TBC1D32: variants seen among roughly 807,000 people sequenced by gnomAD.
TBC1D32 encodes the protein TBC1 domain family member 32, also known as protein broad-minded.
Under a neutral mutation model 170.3 loss-of-function variants are expected in TBC1D32, and 151 were observed. The ratio of observed to expected loss-of-function variants is 0.89; its 90% CI spans 0.78 to 1.01. The LOEUF (loss-of-function observed/expected upper bound fraction) is 1.01. Ranked by LOEUF, TBC1D32 falls within the 50% of genes least tolerant of loss-of-function variation. The probability of loss-of-function intolerance (pLI) is 0.00; values close to 1 mark genes in which losing one functional copy is unlikely to be tolerated. For missense variants in TBC1D32, 1,464 were observed against 1,457.1 expected (o/e 1.00, Z -0.08); for synonymous variants, 498 against 488.0 (o/e 1.02, Z -0.27).
chr6:121,094,652 T>C (rs144283821), intron 30 of TBC1D32, among the ~76,000 whole-genome samples: 1 of 152,248 alleles, frequency 6.6e-6, no homozygotes, highest in East Asian at 1.9e-4. Context: ...CAAATTTTGC[T>C]TGGTTGATTT....
At chr6:121,233,999 G>A (rs1203965424) in intron 20 of TBC1D32, among the ~76,000 whole-genome samples, 1 of 152,080 alleles carries the variant, frequency 6.6e-6, no homozygotes, top group Non-Finnish European at 1.5e-5. Context: ...AAAAAATTCT[G>A]GCTGATACTG....
intron 31 of TBC1D32, among the ~76,000 whole-genome samples, chr6:121,084,457 C>T: frequency 6.6e-6 from 1 of 152,054 alleles, no homozygotes; most frequent in Non-Finnish European, 1.5e-5. Flanking sequence ...TTCTTGATCA[C>T]ACTACAGACA....
intron 24 of TBC1D32, among the ~76,000 whole-genome samples, chr6:121,153,840 C>T (rs902164239): frequency 5.1e-4 from 78 of 152,050 alleles, no homozygotes; most frequent in Middle Eastern, 3.4e-3. Context: ...ATGCCCCTCC[C>T]ACCACCAAGC....
At chr6:121,156,397 ATCT>A (rs1162716719) in intron 24 of TBC1D32, among the ~76,000 whole-genome samples, 1 of 147,172 alleles carries the variant, frequency 6.8e-6, no homozygotes. Context: ...GCTTATTTGG[ATCT>A]TCTTTTTTTT....
chr6:121,153,520 T>C (rs1305452434), intron 24 of TBC1D32, among the ~76,000 whole-genome samples: 2 of 152,264 alleles, frequency 1.3e-5, no homozygotes, highest in Non-Finnish European at 2.9e-5. Context: ...GGTCAAGCAC[T>C]GTGCTTGGAG....
chr6:121,152,970 T>C (rs1162709748), intron 24 of TBC1D32, among the ~76,000 whole-genome samples: 1 of 152,164 alleles, frequency 6.6e-6, no homozygotes, highest in Non-Finnish European at 1.5e-5. Context: ...TGGAGGAGTT[T>C]GTTATTACCC....
At chr6:121,259,538 G>A (rs1236332543) in intron 15 of TBC1D32, among the ~76,000 whole-genome samples, 1 of 152,068 alleles carries the variant, frequency 6.6e-6, no homozygotes, top group East Asian at 1.9e-4. Context: ...TACATTCACT[G>A]CTCCCTTCAT....
chr6:121,157,841 T>A (rs1785104519), intron 24 of TBC1D32, among the ~76,000 whole-genome samples: 1 of 152,122 alleles, frequency 6.6e-6, no homozygotes, highest in Non-Finnish European at 1.5e-5. Context: ...TCCAATCTCT[T>A]CTGGCTTTAA....
At chr6:121,129,881 T>C (rs1781241444) in intron 25 of TBC1D32, 1 of 448,912 alleles carries the variant, frequency 2.2e-6, no homozygotes, top group Non-Finnish European at 4.5e-6. Flanking sequence ...CATTTTATAC[T>C]CTCGATGGTA....
chr6:121,318,522 G>T (rs1401530114), intron 2 of TBC1D32, among the ~76,000 whole-genome samples: 1 of 151,740 alleles, frequency 6.6e-6, no homozygotes, highest in Non-Finnish European at 1.5e-5. Context: ...AAACAAAAAA[G>T]GCATAAAGAT....
intron 21 of TBC1D32, among the ~76,000 whole-genome samples, chr6:121,207,514 A>C (rs1446481353): frequency 6.6e-6 from 1 of 152,172 alleles, no homozygotes; most frequent in African/African-American, 2.4e-5. Flanking sequence ...TTTTTCAAAG[A>C]AGAAGATTAC....
chr6:121,146,924 T>C (rs1346427978), intron 24 of TBC1D32, among the ~76,000 whole-genome samples: 1 of 152,130 alleles, frequency 6.6e-6, no homozygotes, highest in African/African-American at 2.4e-5. Context: ...ACCAGGGTGA[T>C]GAGCACAGCA....
intron 15 of TBC1D32, among the ~76,000 whole-genome samples, chr6:121,266,668 C>T (rs1177180071): frequency 1.3e-5 from 2 of 151,986 alleles, no homozygotes; most frequent in African/African-American, 2.4e-5. Context: ...AACCCAAACG[C>T]CTATTAATTA....
At chr6:121,273,424 G>T (rs1801762330) in intron 15 of TBC1D32, among the ~76,000 whole-genome samples, 1 of 151,536 alleles carries the variant, frequency 6.6e-6, no homozygotes, top group Non-Finnish European at 1.5e-5. Flanking sequence ...CTCACTCATA[G>T]GTGAGAACTG....
intron 30 of TBC1D32, among the ~76,000 whole-genome samples, chr6:121,100,678 T>C (rs1247972025): frequency 1.3e-5 from 2 of 151,876 alleles, no homozygotes; most frequent in African/African-American, 4.8e-5. Flanking sequence ...TTAAAAGAAC[T>C]AGAGAAGCAA....
chr6:121,110,500 G>A (rs1779098625), intron 29 of TBC1D32, among the ~76,000 whole-genome samples: 1 of 151,902 alleles, frequency 6.6e-6, no homozygotes, highest in Non-Finnish European at 1.5e-5. Flanking sequence ...TGAGGAAATA[G>A]GTTGATTTCT....
In TBC1D32 at chr6:121,117,493, T is replaced by A. The variant is rs548278998; in HGVS notation, c.2984-2252A>T. ...GAGAGGGATGGATTACTTGAGGTCA[T>A]GAGTTCAAGACCAGCCTCGCCAACA... On this transcript the variant is annotated intron_variant, in intron 26 of 31. Transcript: ENST00000398212. 5.3e-5 allele frequency among the ~76,000 whole-genome samples: 8 copies of A among 152,042 alleles called. No homozygotes were observed. The East Asian group carries it at 7.8e-4, about 15-fold the overall frequency.
chr6:121,100,685 G>A (rs900926219), intron 30 of TBC1D32, among the ~76,000 whole-genome samples: 27 of 151,988 alleles, frequency 1.8e-4, no homozygotes, highest in Admixed American at 7.9e-4. Flanking sequence ...AACTAGAGAA[G>A]CAAGAGCAAA....
intron 30 of TBC1D32, among the ~76,000 whole-genome samples, chr6:121,103,777 T>G (rs1473346074): frequency 6.6e-6 from 1 of 151,892 alleles, no homozygotes; most frequent in Non-Finnish European, 1.5e-5. Context: ...TATTGGATGC[T>G]TTAGACAATA....
Sources: allele counts gnomAD v4.1 joint callset (sites outside exome capture counted in the v4.1 genomes callset), GRCh38; gene constraint gnomAD v4.1.1; transcripts MANE v1.5; gene names NCBI Gene and HGNC (gene_info 2026-07-23, HGNC 2026-07-21).